Variants in CLEC10A observed in about 807,000 individuals in gnomAD.
The protein encoded by CLEC10A is C-type lectin domain family 10 member A.
CLEC10A carries 38 observed loss-of-function variants against 42.0 expected under a neutral mutation model. That is an observed-to-expected ratio of 0.90 (90% CI 0.70 to 1.18). The LOEUF (loss-of-function observed/expected upper bound fraction) is 1.18, where lower values mean the gene tolerates loss of function less well. Among genes scored for constraint, CLEC10A ranks in the 50% most tolerant of loss-of-function variants. The pLI, the probability that CLEC10A is intolerant of heterozygous loss-of-function variation, is 0.00. For synonymous variants in CLEC10A, 126 were observed against 139.9 expected, an observed-to-expected ratio of 0.90 and a Z score of 0.70; for missense variants, 298 against 345.9, an observed-to-expected ratio of 0.86 and a Z score of 1.10.
rs115347328 is a variant in CLEC10A at position 7,075,182 on chromosome 17, C to T, written c.742G>A (p.Gly248Arg). 5.0e-4 allele frequency: 791 copies of T among 1,574,008 alleles called. 4 individuals are homozygous for T. The African/African-American group carries it at 8.7e-3, about 17-fold the overall frequency. Residue 248 changes from glycine to arginine, a missense_variant, in exon 9 of 9, where the codon GGG (glycine) becomes AGG (arginine). By Grantham distance (125) the Gly-to-Arg change is moderately radical (BLOSUM62 -2). This residue lies in a region of CLEC10A where 267 missense variants were observed against 289.5 expected (regional missense o/e 0.92). Transcript: ENST00000416562. The part of the protein sequence containing the change: ...PGQPDDWQGH[G>R]LGGGEDCAHF... The stretch of plus-strand genomic sequence containing the variant: ...GCACAGTCCTCGCCTCCACCCAGCC[C>T]GTGCCCCTGCCAGTCGTCTGGCTGG...
intron 1 of CLEC10A, among the ~76,000 whole-genome samples, 166 bp from the exon 2 acceptor site, chr17:7,079,051 A>C (rs1339142630): frequency 6.6e-6 from 1 of 152,080 alleles, no homozygotes; most frequent in Non-Finnish European, 1.5e-5. Flanking sequence ...GTGAAACTGG[A>C]GGGTAACGTT....
intron 5 of CLEC10A, 196 bp from the exon 6 acceptor site, chr17:7,076,267 T>C: frequency 1.1e-6 from 1 of 872,282 alleles, no homozygotes. Flanking sequence ...TTCTCCAGCC[T>C]GCTCTCCAGA....
intron 3 of CLEC10A, among the ~76,000 whole-genome samples, chr17:7,077,356 A>AT (rs1911842939): frequency 9.7e-6 from 1 of 103,342 alleles, no homozygotes. Flanking sequence ...CAGTGCTCCG[A>AT]CCACTGTTCT....
In CLEC10A at chr17:7,075,985, C is replaced by T; in HGVS notation, c.439G>A (p.Ala147Thr). 2 of 1,614,178 alleles carry T rather than the reference C, an allele frequency of 1.2e-6. No homozygotes were observed. The highest frequency in any genetic ancestry group is 4.5e-5 in the East Asian group (2 of 44,884). ...TCQVATLNNN[A>T]STEGTCCPVN... ...CAGGTACTCCCCATACCTTCCTCAC[C>T]ATTGTTGTTGAGAGTAGCCACCTGG... Residue 147 changes from alanine to threonine, a missense_variant and splice_region_variant, in exon 6 of 9, where the codon GCC becomes ACC. Coordinates refer to ENST00000416562, the MANE Select transcript of CLEC10A (RefSeq NM_001330070.2).
Position 7,076,959 on chromosome 17 carries a change from G to A in CLEC10A, c.213C>T (p.Thr71=). ...QNSKFQRDLV[T]LRTDFSNFTS... ...TGAAGTTGCTAAAATCTGTTCTCAG[G>A]GTCACCAGGTCCCTCTGAAATTTGG... Residue 71 remains threonine (T), a synonymous_variant, in exon 4 of 9, where the codon ACC becomes ACT. Transcript: ENST00000416562. The A allele has an allele frequency of 6.2e-7, 1 of 1,613,728 alleles. No individual in the cohort carries two copies. Among genetic ancestry groups the A allele is most frequent in the Non-Finnish European group, 8.5e-7 (1 of 1,179,876 alleles).
chr17:7,075,693 G>A (rs1911684347), intron 7 of CLEC10A, 38 bp downstream of exon 7: 1 of 1,613,876 alleles, frequency 6.2e-7, no homozygotes, highest in African/African-American at 1.3e-5. Context: ...TTCCCTAAAT[G>A]GGACATGTCT....
rs546045571 is a variant in CLEC10A at position 7,075,593 on chromosome 17, G to T, written c.595-127C>A. On this transcript the variant is annotated intron_variant, in intron 7 of 8. Coordinates refer to ENST00000416562, the MANE Select transcript of CLEC10A (RefSeq NM_001330070.2). ...TGGAGATGTTTCTCTGGATGCTCAG[G>T]CCTATTAAATCTCTGAGGGTGTGGC... 1.2e-4 allele frequency: 171 copies of T among 1,429,014 alleles called. No individual in the cohort carries two copies. The East Asian group carries it at 3.8e-3, about 32-fold the overall frequency. The allele number at this position is 1,429,014 out of a possible 1,614,324, so 88.5% of individuals were successfully genotyped here. A position where few individuals can be genotyped will look rare whatever the true frequency, so the allele number is the denominator to read the frequency against.
intron 3 of CLEC10A, among the ~76,000 whole-genome samples, chr17:7,077,703 C>T (rs1265512336): frequency 6.8e-6 from 1 of 147,020 alleles, no homozygotes; most frequent in Non-Finnish European, 1.5e-5. Flanking sequence ...TCCATCAGTG[C>T]CCCCCTACCG....
In CLEC10A at chr17:7,076,993, C is replaced by T. The variant is rs2151685596; in HGVS notation, c.185-6G>A. The T allele has an allele frequency of 1.9e-6, 3 of 1,600,866 alleles. No individual in the cohort carries two copies. Among genetic ancestry groups the T allele is most frequent in the Non-Finnish European group, 2.6e-6 (3 of 1,168,122 alleles). On this transcript the variant is annotated splice_polypyrimidine_tract_variant and splice_region_variant and intron_variant, in intron 3 of 8. Transcript: ENST00000416562. The stretch of plus-strand genomic sequence containing the variant: ...GTCCCTCTGAAATTTGGAATCTAAA[C>T]AGGTGGATGGGAAGGTCAGTGCTGG...
chr17:7,076,547 C>A (rs1002746538), intron 5 of CLEC10A, among the ~76,000 whole-genome samples, 186 bp downstream of exon 5: 1 of 151,662 alleles, frequency 6.6e-6, no homozygotes, highest in African/African-American at 2.4e-5. Context: ...CTCCTGACCT[C>A]GTGATCCACC....
At chr17:7,077,461 C>CAT (rs1238736597) in intron 3 of CLEC10A, among the ~76,000 whole-genome samples, 5 of 80,434 alleles carry the variant, frequency 6.2e-5, no homozygotes, top group Non-Finnish European at 8.0e-5. Context: ...TCAGTGCCCC[C>CAT]CACCATTCCC....
At chr17:7,078,240 G>A (rs1223715621) in intron 2 of CLEC10A, 127 bp from the exon 3 acceptor site, 1 of 655,532 alleles carries the variant, frequency 1.5e-6, no homozygotes, top group East Asian at 2.8e-5. Context: ...GTTGGACAAG[G>A]AGGATTTTGG....
At chr17:7,076,203 T>G (rs1222855696) in intron 5 of CLEC10A, 132 bp from the exon 6 acceptor site, 1 of 1,239,322 alleles carries the variant, frequency 8.1e-7, no homozygotes, top group Non-Finnish European at 1.1e-6. Context: ...ACCCACCCCC[T>G]ACATCATGGC....
chr17:7,075,317 C>T (rs377248841), intron 8 of CLEC10A, 43 bp downstream of exon 8: 44 of 1,504,842 alleles, frequency 2.9e-5, no homozygotes, highest in Non-Finnish European at 3.5e-5. Context: ...CTGGGGGAAA[C>T]GCTGACGGAG....
intron 3 of CLEC10A, among the ~76,000 whole-genome samples, chr17:7,077,290 A>ACCG (rs1911826937): frequency 8.9e-5 from 3 of 33,816 alleles, no homozygotes; most frequent in African/African-American, 2.0e-4. Flanking sequence ...CCCCCCCACC[A>ACCG]TTCCCATCAA....
chr17:7,076,231 T>A (rs1031221075), intron 5 of CLEC10A, 160 bp from the exon 6 acceptor site: 1 of 1,347,388 alleles, frequency 7.4e-7, no homozygotes, highest in East Asian at 2.7e-5. Context: ...AGCCATCAAA[T>A]CTGCTTTGGA....
rs364569 is a variant in CLEC10A at position 7,075,860 on chromosome 17, A to C, written c.465T>G (p.Pro155=). ...NNASTEGTCC[P]VNWVEHQDSC... ...TGTCTTGGTGCTCCACCCAGTTGAC[A>C]GGGCAGCAGGTCCCTTCAGTGGAGG... The change falls in exon 7 of 9, where the codon CCT becomes CCG. Residue 155 remains proline (P), a synonymous_variant. Coordinates refer to ENST00000416562, the MANE Select transcript of CLEC10A (RefSeq NM_001330070.2). The C allele has an allele frequency of 6.2e-7, 1 of 1,613,476 alleles. No homozygotes were observed. The highest frequency in any genetic ancestry group is 1.3e-5 in the African/African-American group (1 of 74,814).
At position 7,080,040 on chromosome 17, in the gene CLEC10A, C is replaced by G. The variant is rs1046265861; in HGVS notation, c.-74+12G>C. 1 of 152,318 alleles carries G rather than the reference C, an allele frequency of 6.6e-6. No homozygotes were observed. Among genetic ancestry groups the G allele is most frequent in the Admixed American group, 6.5e-5 (1 of 15,280 alleles). 9.4% of individuals were successfully genotyped at this position (152,318 alleles called of 1,614,324 possible). On this transcript the variant is annotated intron_variant, in intron 1 of 8. Coordinates refer to ENST00000416562, the MANE Select transcript of CLEC10A (RefSeq NM_001330070.2). ...GTCCCCTGGGTCTCACCGGCACCGG[C>G]AGCACCATTACCTGTGGGAGGTCTG...
intron 3 of CLEC10A, among the ~76,000 whole-genome samples, chr17:7,077,438 A>G (rs1188319758): frequency 2.1e-4 from 22 of 103,636 alleles, no homozygotes; most frequent in Admixed American, 4.9e-4. Flanking sequence ...CACCATTCCC[A>G]TCGATCACTG....
Sources: gnomAD v4.1 joint callset for allele counts (sites outside exome capture counted in the v4.1 genomes callset) on GRCh38, gnomAD v4.1.1 for gene constraint, gnomAD v4.1.1 regional missense constraint, MANE v1.5 for transcripts, NCBI Gene and HGNC (gene_info 2026-07-23, HGNC 2026-07-21) for gene names.